Variants in CCNH observed in about 807,000 individuals in gnomAD.
CCNH encodes the protein cyclin H, also known as cyclin-H.
In CCNH, 31 loss-of-function variants were observed where a neutral mutation model predicts 41.9. That is an observed-to-expected ratio of 0.74 (90% CI 0.56 to 1.00). The LOEUF (loss-of-function observed/expected upper bound fraction) is 1.00, where lower values mean the gene tolerates loss of function less well. CCNH is among the 50% of genes least tolerant of loss of function. The pLI, the probability that CCNH is intolerant of heterozygous loss-of-function variation, is 0.00. For synonymous variants in CCNH, 138 were observed against 136.1 expected (o/e 1.01, Z -0.10); for missense variants, 362 against 388.4 (o/e 0.93, Z 0.57).
downstream of CCNH, chr5:87,392,559 A>G: frequency 2.9e-6 from 1 of 342,268 alleles, no homozygotes; most frequent in Non-Finnish European, 5.8e-6. Context: ...GTTACATGAT[A>G]GAAGACAGGG....
chr5:87,392,269 A>G (rs555492185), downstream of CCNH: 10 of 449,378 alleles, frequency 2.2e-5, no homozygotes, highest in South Asian at 9.4e-5. Flanking sequence ...AAAATACAGG[A>G]AAAAAAAATG....
At chr5:87,325,823 T>G (rs1490339675) in intron 9 of CCNH, among the ~76,000 whole-genome samples, 1 of 152,234 alleles carries the variant, frequency 6.6e-6, no homozygotes, top group Non-Finnish European at 1.5e-5. Flanking sequence ...ATAGTTTCAA[T>G]GAAATGCCTG....
Position 87,321,866 on chromosome 5 carries a change from C to G in CCNH, c.*91-2969G>C, listed in dbSNP as rs141378335. Among the ~76,000 whole-genome samples the G allele has an allele frequency of 2.7e-3, 406 of 152,284 alleles. 5 individuals carry two copies. The highest frequency in any genetic ancestry group is 8.3e-3 in the East Asian group (43 of 5,178). ...TCTCTGAAATGAGGGCATTATGACC[C>G]ACAGTCAGAAAAGTGGAGGAAAATT... On this transcript the variant is annotated intron_variant and NMD_transcript_variant, in intron 9 of 9. Coordinates refer to the CCNH transcript ENST00000645953.
intron 9 of CCNH, among the ~76,000 whole-genome samples, chr5:87,339,681 A>G (rs926971088): frequency 6.6e-6 from 1 of 152,186 alleles, no homozygotes; most frequent in Admixed American, 6.5e-5. Context: ...TCACATCAGT[A>G]CAAGGGATCA....
chr5:87,391,907 A>G (rs1185975523), downstream of CCNH: 1 of 226,712 alleles, frequency 4.4e-6, no homozygotes, highest in East Asian at 6.6e-5. Context: ...AAACCAAGGG[A>G]TATCTTGCAT....
intron 9 of CCNH, among the ~76,000 whole-genome samples, chr5:87,382,519 C>T (rs969633301): frequency 6.6e-6 from 1 of 152,100 alleles, no homozygotes; most frequent in African/African-American, 2.4e-5. Flanking sequence ...TAATGCTTGT[C>T]TTTACATGGG....
intron 5 of CCNH, among the ~76,000 whole-genome samples, chr5:87,404,354 ATCTT>A (rs1370441757): frequency 1.3e-5 from 2 of 152,370 alleles, no homozygotes; most frequent in East Asian, 3.9e-4. Context: ...AAGTTTTATC[ATCTT>A]TCTTCCTCAG....
chr5:87,321,388 G>C (rs761806262), intron 9 of CCNH, among the ~76,000 whole-genome samples: 44 of 152,188 alleles, frequency 2.9e-4, no homozygotes, highest in Non-Finnish European at 8.8e-5. Context: ...CCTAGAGATA[G>C]TGTCAGATTC....
At chr5:87,317,612 A>ATAAGACTGT (rs1343440091), downstream of CCNH, among the ~76,000 whole-genome samples, 6 of 151,166 alleles carry the variant, frequency 4.0e-5, no homozygotes, top group African/African-American at 1.5e-4. Flanking sequence ...TTTTTCCCTA[A>ATAAGACTGT]TAAGACTGTT....
At chr5:87,326,545 A>T (rs1757243860) in intron 9 of CCNH, among the ~76,000 whole-genome samples, 1 of 152,186 alleles carries the variant, frequency 6.6e-6, no homozygotes, top group African/African-American at 2.4e-5. Context: ...TCTTCCTTAG[A>T]GAGGCAAAGA....
rs374411800 is a variant in CCNH, at chr5:87,367,537, A to G, written c.*90+25233T>C. Among the ~76,000 whole-genome samples, 18 of 152,154 alleles carry G rather than the reference A, an allele frequency of 1.2e-4. No individual in the cohort carries two copies. In the South Asian group the frequency reaches 1.5e-3, roughly 12 times the overall value. Reference sequence around the variant, plus strand: ...ATGGCTTTAGTTGCACAGCTGTGCAATTTTTCCAGATTATTTTCAATATTA... The same window carrying G: ...ATGGCTTTAGTTGCACAGCTGTGCAGTTTTTCCAGATTATTTTCAATATTA... On this transcript the variant is annotated intron_variant and NMD_transcript_variant, in intron 9 of 9. Transcript: ENST00000645953.
chr5:87,405,138 GAC>G (rs934174549), intron 4 of CCNH, 131 bp from the exon 5 acceptor site: 1 of 615,360 alleles, frequency 1.6e-6, no homozygotes, highest in African/African-American at 1.9e-5. Flanking sequence ...CACAGTAATT[GAC>G]ACTGTCCTCA....
intron 9 of CCNH, among the ~76,000 whole-genome samples, chr5:87,337,529 T>C (rs1758059878): frequency 1.3e-5 from 2 of 152,182 alleles, no homozygotes; most frequent in Non-Finnish European, 2.9e-5. Flanking sequence ...CTATATCTTA[T>C]GTATGTATAG....
At chr5:87,389,947 A>G (rs960796338), downstream of CCNH, among the ~76,000 whole-genome samples, 1 of 152,174 alleles carries the variant, frequency 6.6e-6, no homozygotes, top group Non-Finnish European at 1.5e-5. Flanking sequence ...ATGTTTGTCA[A>G]ATTTCACATC....
chr5:87,353,223 T>A lies in CCNH; in HGVS notation c.*91-34326A>T, dbSNP rs758200534. 1.9e-6 allele frequency: 3 copies of A among 1,606,296 alleles called. No individual in the cohort carries two copies. The South Asian group carries it at 3.3e-5, about 18-fold the overall frequency. Reference sequence around the variant, plus strand: ...TTGAAGGATATTATCTTAAGGAACCTGTACCAATGCAGGTCAGTGTTGCAT... The same window carrying A: ...TTGAAGGATATTATCTTAAGGAACCAGTACCAATGCAGGTCAGTGTTGCAT... On this transcript the variant is annotated intron_variant and NMD_transcript_variant, in intron 9 of 9. Coordinates refer to the CCNH transcript ENST00000645953.
At chr5:87,352,545 CATTTT>C (rs991784462) in intron 9 of CCNH, among the ~76,000 whole-genome samples, 1 of 151,606 alleles carries the variant, frequency 6.6e-6, no homozygotes, top group African/African-American at 2.4e-5. Context: ...TACAGTATGT[CATTTT>C]ATTTTTTTGT....
chr5:87,324,563 A>T (rs1464639232), intron 9 of CCNH, among the ~76,000 whole-genome samples: 2 of 152,144 alleles, frequency 1.3e-5, no homozygotes, highest in Non-Finnish European at 2.9e-5. Context: ...GATTCTGTAA[A>T]TATGTTACCT....
At chr5:87,350,988 G>A (rs978067427) in intron 9 of CCNH, among the ~76,000 whole-genome samples, 12 of 151,520 alleles carry the variant, frequency 7.9e-5, no homozygotes, top group Non-Finnish European at 1.5e-4. Context: ...ATAAATCTTT[G>A]TGCTTATTGT....
chr5:87,393,064 T>G (rs1254451733), downstream of CCNH, among the ~76,000 whole-genome samples: 1 of 151,004 alleles, frequency 6.6e-6, no homozygotes, highest in Non-Finnish European at 1.5e-5. Context: ...TTCCTTTCAC[T>G]CTGGAATGAG....
Sources: gnomAD v4.1 joint callset for allele counts (sites outside exome capture counted in the v4.1 genomes callset) on GRCh38, gnomAD v4.1.1 for gene constraint, MANE v1.5 for transcripts, NCBI Gene and HGNC (gene_info 2026-07-23, HGNC 2026-07-21) for gene names.